MROH2A: variants seen among roughly 807,000 people sequenced by gnomAD.
The protein encoded by MROH2A is maestro heat like repeat family member 2A, also known as maestro heat-like repeat-containing protein family member 2A.
A neutral mutation model predicts 200.4 loss-of-function variants in MROH2A; 174 were observed. The observed-to-expected ratio is 0.87, with a 90% CI of 0.77 to 0.98. The LOEUF is 0.98. MROH2A is among the 50% of genes least tolerant of loss of function. The pLI, the probability that MROH2A is intolerant of heterozygous loss-of-function variation, is 0.00. For missense variants in MROH2A, 2,045 were observed against 2,139.6 expected (o/e 0.96, Z 0.87); for synonymous variants, 829 against 840.4 (o/e 0.99, Z 0.23).
chr2:233,794,272 G>A (rs1003057891), intron 7 of MROH2A, 91 bp from the exon 8 acceptor site: 24 of 994,428 alleles, frequency 2.4e-5, no homozygotes, highest in Non-Finnish European at 3.5e-5. Flanking sequence ...CTTCTGTCCT[G>A]TGTCCTTGGA....
At chr2:233,793,529 G>T (rs1559446252) in intron 6 of MROH2A, 144 bp from the exon 7 acceptor site, 3 of 645,734 alleles carry the variant, frequency 4.6e-6, no homozygotes, top group East Asian at 6.8e-5. Flanking sequence ...AAATGAAGGT[G>T]CTGTGGGGGG....
intron 23 of MROH2A, 26 bp from the exon 24 acceptor site, chr2:233,811,854 C>T (rs772290320): frequency 2.6e-6 from 4 of 1,528,622 alleles, no homozygotes; most frequent in South Asian, 1.2e-5. Context: ...CACCAAAAGC[C>T]ACCACCCCCT....
At chr2:233,818,274 A>T in intron 28 of MROH2A, 149 bp downstream of exon 28, 1 of 996,726 alleles carries the variant, frequency 1.0e-6, no homozygotes, top group Non-Finnish European at 1.5e-6. Flanking sequence ...CAGAGGGAGC[A>T]GTGAGGGGAG....
In MROH2A at chr2:233,793,799, T is replaced by A; in HGVS notation, c.797T>A (p.Val266Glu). The change falls in exon 7 of 42, where the codon GTG becomes GAG. Residue 266 changes from valine to glutamate, a missense_variant. Val to Glu is a moderately radical substitution (Grantham distance 121, BLOSUM62 -2). Transcript: ENST00000389758. The part of the protein sequence containing the change: ...VFPMYRYFVT[V>E]WLRHYNPEVK... ...CCCATGTATCGCTACTTCGTGACAG[T>A]GTGGCTGAGGCACTACAACCCCGAG... is the stretch of plus-strand genomic sequence containing the variant. The A allele has an allele frequency of 6.8e-7, 1 of 1,466,738 alleles. No homozygotes were observed. The highest frequency in any genetic ancestry group is 2.8e-5 in the East Asian group (1 of 36,248). The allele number at this position is 1,466,738 out of a possible 1,614,324, so 90.9% of individuals were successfully genotyped here. A position where few individuals can be genotyped will look rare whatever the true frequency, so the allele number is the denominator to read the frequency against.
At chr2:233,776,078 A>G (rs2003363), upstream of MROH2A, among the ~76,000 whole-genome samples, 40,146 of 152,040 alleles carry the variant, frequency 0.26, 6,311 homozygotes, top group East Asian at 0.56. Flanking sequence ...TTCTTTATAA[A>G]TTACCCAGTC....
chr2:233,787,716 T>A (rs1559436071), intron 3 of MROH2A, among the ~76,000 whole-genome samples: 17 of 63,052 alleles, frequency 2.7e-4, no homozygotes, highest in East Asian at 1.3e-3. Flanking sequence ...AACATATATA[T>A]TATATATATC....
intron 5 of MROH2A, 28 bp downstream of exon 5, chr2:233,790,042 C>T (rs1575915383): frequency 1.3e-6 from 2 of 1,520,652 alleles, no homozygotes; most frequent in Non-Finnish European, 1.8e-6. Context: ...CTCAGCCGGG[C>T]CCAGTGTGCC....
intron 14 of MROH2A, among the ~76,000 whole-genome samples, chr2:233,800,583 G>C (rs1377117093): frequency 6.6e-6 from 1 of 152,116 alleles, no homozygotes; most frequent in Non-Finnish European, 1.5e-5. Flanking sequence ...TATCATTTGA[G>C]CAAGTACCTG....
rs1381303468 is a variant in MROH2A at position 233,832,179 on chromosome 2, T to G, written c.4737T>G (p.Thr1579=). 6.4e-7 allele frequency: 1 copy of G among 1,550,470 alleles called. No individual in the cohort carries two copies. The highest frequency in any genetic ancestry group is 8.7e-7 in the Non-Finnish European group (1 of 1,146,948). ...VFQTTMCSIL[T]RKKPAVLYRF... is the part of the protein sequence containing the mutation. ...TGTGTATCACTTACTTTTTGCAGAC[T>G]CGGAAAAAGCCGGCTGTTCTCTACC... Residue 1579 remains threonine (T), a splice_region_variant and synonymous_variant, in exon 40 of 42, where the codon ACT becomes ACG. Coordinates refer to ENST00000389758, the MANE Select transcript of MROH2A (RefSeq NM_001394639.1).
chr2:233,822,780 G>A lies in MROH2A; in HGVS notation c.3867-101G>A. Reference sequence around the variant, plus strand: ...CCTTTCCCTCAGTCCCTTGGGCTGGGCCCGGCAGGCACTGGGGCCCCACTT... The same window carrying A: ...CCTTTCCCTCAGTCCCTTGGGCTGGACCCGGCAGGCACTGGGGCCCCACTT... On this transcript the variant is annotated intron_variant, in intron 33 of 41. Transcript: ENST00000389758. 5 of 1,429,342 alleles carry A rather than the reference G, an allele frequency of 3.5e-6. No individual in the cohort carries two copies. In the South Asian group the frequency reaches 4.0e-5, roughly 12 times the overall value. The allele number at this position is 1,429,342 out of a possible 1,614,324, so 88.5% of individuals were successfully genotyped here.
In MROH2A at chr2:233,828,857, G is replaced by A. The variant is rs1259976453; in HGVS notation, c.4264-33G>A. 1.3e-6 allele frequency: 2 copies of A among 1,550,068 alleles called. No individual in the cohort carries two copies. Among genetic ancestry groups the A allele is most frequent in the East Asian group, 2.4e-5 (1 of 40,906 alleles). ...GTGCCCTGGTCAGCCTGGGAGGGAG[G>A]GTGCAGGCTGAGGGCTGCCCATGCC... On this transcript the variant is annotated intron_variant, in intron 36 of 41. Transcript: ENST00000389758. This position sits in a 1 kb window ranked among gnomAD's most constrained non-coding sequence, Gnocchi z 4.6.
intron 28 of MROH2A, 59 bp downstream of exon 28, chr2:233,818,184 A>G: frequency 6.5e-7 from 1 of 1,538,994 alleles, no homozygotes; most frequent in Non-Finnish European, 8.7e-7. Flanking sequence ...GGCTGACTCC[A>G]GGAGTATGGG....
chr2:233,819,480 C>T lies in MROH2A; in HGVS notation c.3357+11C>T, dbSNP rs767746376. On this transcript the variant is annotated intron_variant, in intron 30 of 41. Transcript: ENST00000389758. The stretch of plus-strand genomic sequence containing the variant: ...GAGCTGGAGGACAAGGTGGCAGAGC[C>T]GCGGCAGGGCCACCAGAGAGAGGGG... 7.2e-5 allele frequency: 111 copies of T among 1,548,648 alleles called. No individual in the cohort carries two copies. Among genetic ancestry groups the T allele is most frequent in the East Asian group, 9.8e-5 (4 of 40,896 alleles).
intron 5 of MROH2A, among the ~76,000 whole-genome samples, chr2:233,791,876 G>A (rs1179570614): frequency 6.6e-6 from 1 of 152,104 alleles, no homozygotes; most frequent in African/African-American, 2.4e-5. Flanking sequence ...GGCAGGCCTG[G>A]AAAGAGGACA....
intron 35 of MROH2A, among the ~76,000 whole-genome samples, chr2:233,824,704 C>T (rs1052808452): frequency 1.3e-5 from 2 of 152,190 alleles, no homozygotes; most frequent in African/African-American, 2.4e-5. Context: ...CTTTTCAGGG[C>T]TTTGGTGAGA....
chr2:233,808,227 G>T (rs1046191271), intron 21 of MROH2A, among the ~76,000 whole-genome samples: 11 of 152,170 alleles, frequency 7.2e-5, no homozygotes, highest in Non-Finnish European at 1.6e-4. Flanking sequence ...TGCTCAGTGG[G>T]TGCTTGACAC....
At chr2:233,821,502 ATTACATTTAGACTTGTTAGAC>A (rs1270268742) in intron 31 of MROH2A, among the ~76,000 whole-genome samples, 1 of 152,162 alleles carries the variant, frequency 6.6e-6, no homozygotes, top group Non-Finnish European at 1.5e-5. Flanking sequence ...ACCTTGTTAA[ATTACATTTAGACTTGTTAGAC>A]TCACATTAGC....
intron 37 of MROH2A, among the ~76,000 whole-genome samples, chr2:233,829,304 AG>A (rs1704553054): frequency 6.6e-6 from 1 of 152,038 alleles, no homozygotes; most frequent in African/African-American, 2.4e-5. Context: ...CTAGGAGGGA[AG>A]GGTCTCCCCC....
intron 35 of MROH2A, among the ~76,000 whole-genome samples, chr2:233,824,379 G>A (rs928898539): frequency 6.6e-6 from 1 of 152,236 alleles, no homozygotes; most frequent in Non-Finnish European, 1.5e-5. Flanking sequence ...GGAAGTACAA[G>A]ACCAGTCTGG....
Sources: gnomAD v4.1 joint callset for allele counts (sites outside exome capture counted in the v4.1 genomes callset) on GRCh38, gnomAD v4.1.1 for gene constraint, Gnocchi (gnomAD v3.1) non-coding constraint, MANE v1.5 for transcripts, NCBI Gene and HGNC (gene_info 2026-07-23, HGNC 2026-07-21) for gene names.